MAP2: variants seen among roughly 807,000 people sequenced by gnomAD.
MAP2 encodes the protein microtubule associated protein 2, also known as microtubule-associated protein 2.
MAP2 carries 14 observed loss-of-function variants against 137.6 expected under a neutral mutation model. That is an observed-to-expected ratio of 0.10 (90% CI 0.07 to 0.16). The LOEUF is 0.16. Among genes scored for constraint, MAP2 ranks in the 10% least tolerant of loss-of-function variants. The pLI is 1.00. For synonymous variants in MAP2, 786 were observed against 782.3 expected, an observed-to-expected ratio of 1.00 and a Z score of -0.08; for missense variants, 2,088 against 2,191.5, an observed-to-expected ratio of 0.95 and a Z score of 0.94.
chr2:209,641,296 T>C (rs1242873555), intron 4 of MAP2, among the ~76,000 whole-genome samples: 2 of 152,204 alleles, frequency 1.3e-5, no homozygotes, highest in Non-Finnish European at 2.9e-5. Context: ...AGGTCTTGAA[T>C]CAGATTCCAC....
chr2:209,636,910 G>A lies in MAP2; in HGVS notation c.-30+11781G>A, dbSNP rs568134300. The stretch of plus-strand genomic sequence containing the variant: ...GTTTAAGTAATGACAAGCCTATCCT[G>A]CAATTATTCTTTCTGGCATCCAGGA... On this transcript the variant is annotated intron_variant, in intron 4 of 15. Coordinates refer to ENST00000682079, the MANE Select transcript of MAP2 (RefSeq NM_001375505.1). Among the ~76,000 whole-genome samples, 4 of 152,182 alleles carry A rather than the reference G, an allele frequency of 2.6e-5. No individual in the cohort carries two copies. The East Asian group carries it at 7.7e-4, about 29-fold the overall frequency.
chr2:209,511,970 T>C (rs1219586059), intron 2 of MAP2, among the ~76,000 whole-genome samples: 4 of 152,122 alleles, frequency 2.6e-5, no homozygotes. Flanking sequence ...TTGTGCTTCT[T>C]TTCTACCTGG....
intron 1 of MAP2, among the ~76,000 whole-genome samples, chr2:209,506,733 T>C (rs1168189774): frequency 1.3e-5 from 2 of 152,196 alleles, no homozygotes; most frequent in African/African-American, 4.8e-5. Context: ...GAAAGATTGA[T>C]CGTTTACCAC....
chr2:209,550,115 T>G (rs553072716), intron 2 of MAP2, among the ~76,000 whole-genome samples: 6 of 152,322 alleles, frequency 3.9e-5, no homozygotes, highest in Non-Finnish European at 7.4e-5. Flanking sequence ...GAAGCTATAG[T>G]GGTGAATTAG....
intron 14 of MAP2, among the ~76,000 whole-genome samples, chr2:209,726,124 T>A (rs1323428897): frequency 1.3e-5 from 2 of 152,190 alleles, no homozygotes; most frequent in Non-Finnish European, 2.9e-5. Context: ...TATAATAACA[T>A]TGGGGGTAGC....
rs116028319 is a variant in MAP2, at chr2:209,518,090, C to T, written c.-172+10449C>T. Among the ~76,000 whole-genome samples, 269 of 152,012 alleles carry T rather than the reference C, an allele frequency of 1.8e-3. 1 individual carries two copies. The highest frequency in any genetic ancestry group is 6.2e-3 in the African/African-American group (259 of 41,508). On this transcript the variant is annotated intron_variant, in intron 2 of 15. Coordinates refer to ENST00000682079, the MANE Select transcript of MAP2 (RefSeq NM_001375505.1). ...TAAATCTTGGCACACATGTAGTAAG[C>T]CTACATGAGAAGGTGCAGTTCCAAT...
chr2:209,453,192 G>T (rs56086088), intron 1 of MAP2, among the ~76,000 whole-genome samples: 20,434 of 152,018 alleles, frequency 0.13, 3,367 homozygotes, highest in African/African-American at 0.39. Context: ...GACAAAATAA[G>T]TGTAGCGATG....
At chr2:209,528,194 A>C (rs1176186594) in intron 2 of MAP2, among the ~76,000 whole-genome samples, 3 of 149,528 alleles carry the variant, frequency 2.0e-5, no homozygotes, top group Non-Finnish European at 4.4e-5. Context: ...TACCTCCTTC[A>C]TCCCCCCAAA....
intron 11 of MAP2, among the ~76,000 whole-genome samples, chr2:209,702,002 T>G (rs572492244): frequency 6.6e-6 from 1 of 152,270 alleles, no homozygotes; most frequent in African/African-American, 2.4e-5. Context: ...AATGTAATGA[T>G]GTTATAAAAC....
intron 1 of MAP2, among the ~76,000 whole-genome samples, chr2:209,468,120 A>G (rs1704605978): frequency 6.6e-6 from 1 of 151,056 alleles, no homozygotes; most frequent in Non-Finnish European, 1.5e-5. Context: ...TGTATTTCCC[A>G]TAGTGGGGTT....
intron 5 of MAP2, among the ~76,000 whole-genome samples, chr2:209,672,746 A>C (rs190370880): frequency 2.8e-4 from 42 of 152,018 alleles, no homozygotes; most frequent in Admixed American, 2.4e-3. Context: ...AATAACATCA[A>C]CAAGAAATGA....
chr2:209,432,224 A>G (rs1309706481), intron 1 of MAP2, among the ~76,000 whole-genome samples: 2 of 152,164 alleles, frequency 1.3e-5, no homozygotes, highest in African/African-American at 2.4e-5. Context: ...AGCTAAGAAG[A>G]AGTAAGCTAG....
intron 6 of MAP2, among the ~76,000 whole-genome samples, chr2:209,678,950 C>A (rs528613840): frequency 3.3e-5 from 5 of 152,124 alleles, no homozygotes; most frequent in Non-Finnish European, 5.9e-5. Flanking sequence ...ATTTTCCAGA[C>A]CACTAGAAAT....
chr2:209,666,603 A>G (rs1016316928), intron 5 of MAP2, among the ~76,000 whole-genome samples: 1 of 152,098 alleles, frequency 6.6e-6, no homozygotes, highest in Non-Finnish European at 1.5e-5. Flanking sequence ...TACAACATCA[A>G]AAATACTGCT....
chr2:209,711,202 A>G (rs1013751886), intron 13 of MAP2, among the ~76,000 whole-genome samples: 1 of 152,140 alleles, frequency 6.6e-6, no homozygotes, highest in African/African-American at 2.4e-5. Flanking sequence ...TTTAACGTCA[A>G]TATTTTTTTC....
intron 3 of MAP2, among the ~76,000 whole-genome samples, chr2:209,604,150 C>T (rs1440972380): frequency 6.6e-6 from 1 of 152,128 alleles, no homozygotes; most frequent in Non-Finnish European, 1.5e-5. Context: ...AAGGCTATAG[C>T]TTAGGGTAGG....
At chr2:209,528,424 T>C (rs1478350666) in intron 2 of MAP2, among the ~76,000 whole-genome samples, 1 of 152,222 alleles carries the variant, frequency 6.6e-6, no homozygotes, top group Non-Finnish European at 1.5e-5. Context: ...CACTTTAAAA[T>C]TTTTATGTAC....
At chr2:209,708,929 G>C (rs940209441) in intron 12 of MAP2, among the ~76,000 whole-genome samples, 1 of 152,248 alleles carries the variant, frequency 6.6e-6, no homozygotes, top group African/African-American at 2.4e-5. Flanking sequence ...TTGGTTATCA[G>C]TTGGTTGGTA....
At chr2:209,555,215 A>G (rs1183336866) in intron 2 of MAP2, among the ~76,000 whole-genome samples, 1 of 152,124 alleles carries the variant, frequency 6.6e-6, no homozygotes, top group African/African-American at 2.4e-5. Flanking sequence ...GTTTGCTTCT[A>G]TTTACTGCCT....
Sources: allele counts gnomAD v4.1 joint callset (sites outside exome capture counted in the v4.1 genomes callset), GRCh38; gene constraint gnomAD v4.1.1; transcripts MANE v1.5; gene names NCBI Gene and HGNC (gene_info 2026-07-23, HGNC 2026-07-21).